Variants in OSBPL1A observed in about 807,000 individuals in gnomAD.
OSBPL1A encodes the protein oxysterol-binding protein-related protein 1.
A neutral mutation model predicts 137.1 loss-of-function variants in OSBPL1A; 80 were observed. That is an observed-to-expected ratio of 0.58 (90% CI 0.49 to 0.70). The LOEUF (loss-of-function observed/expected upper bound fraction) is 0.70, where lower values mean the gene tolerates loss of function less well. Ranked by LOEUF, OSBPL1A falls within the 30% of genes least tolerant of loss-of-function variation. The pLI, the probability that OSBPL1A is intolerant of heterozygous loss-of-function variation, is 0.00. For synonymous variants in OSBPL1A, 365 were observed against 389.7 expected, an observed-to-expected ratio of 0.94 and a Z score of 0.75; for missense variants, 970 against 1,129.4, an observed-to-expected ratio of 0.86 and a Z score of 2.02.
intron 14 of OSBPL1A, among the ~76,000 whole-genome samples, chr18:24,300,988 C>T (rs1325941938): frequency 6.6e-6 from 1 of 152,154 alleles, no homozygotes; most frequent in Non-Finnish European, 1.5e-5. Context: ...ACCACCACGC[C>T]TGGCTAATAT....
chr18:24,363,236 A>G (rs759214153), intron 4 of OSBPL1A, among the ~76,000 whole-genome samples: 10 of 152,178 alleles, frequency 6.6e-5, no homozygotes, highest in Non-Finnish European at 1.3e-4. Context: ...TGAGAAGTCC[A>G]GAATAGGTCT....
intron 18 of OSBPL1A, 181 bp downstream of exon 18, chr18:24,195,944 T>A: frequency 1.7e-6 from 1 of 578,998 alleles, no homozygotes; most frequent in South Asian, 1.9e-5. Context: ...ACTAAAGCCA[T>A]TAGAGCAGCT....
chr18:24,229,177 G>A (rs924605265), intron 16 of OSBPL1A, among the ~76,000 whole-genome samples: 1 of 152,198 alleles, frequency 6.6e-6, no homozygotes, highest in Non-Finnish European at 1.5e-5. Context: ...ACTCCAGCCT[G>A]GGAGAGACAG....
intron 22 of OSBPL1A, 93 bp downstream of exon 22, chr18:24,172,283 T>C (rs2086307610): frequency 1.0e-6 from 1 of 957,328 alleles, no homozygotes; most frequent in African/African-American, 1.7e-5. Flanking sequence ...TCTAGAGCTT[T>C]TCTTTAAAAA....
At chr18:24,369,488 A>T (rs1178161436) in intron 2 of OSBPL1A, among the ~76,000 whole-genome samples, 1 of 152,194 alleles carries the variant, frequency 6.6e-6, no homozygotes, top group Non-Finnish European at 1.5e-5. Flanking sequence ...ATGTTATTCC[A>T]GGGGCCACTG....
chr18:24,196,357 C>T (rs1387657832), intron 17 of OSBPL1A, among the ~76,000 whole-genome samples, 157 bp from the exon 18 acceptor site: 2 of 152,192 alleles, frequency 1.3e-5, no homozygotes, highest in African/African-American at 2.4e-5. Flanking sequence ...TCTAGGGTTG[C>T]ACCTGTTCAC....
rs370631508 is a variant in OSBPL1A at position 24,234,235 on chromosome 18, G to A, written c.1444+4985C>T. Among the ~76,000 whole-genome samples, 3 of 152,130 alleles carry A rather than the reference G, an allele frequency of 2.0e-5. No individual in the cohort carries two copies. The South Asian group carries it at 6.2e-4, about 32-fold the overall frequency. On this transcript the variant is annotated intron_variant, in intron 16 of 27. Transcript: ENST00000319481. The stretch of plus-strand genomic sequence containing the variant: ...CAGTGGTTTCTCATGATATCTTTTT[G>A]TTTCAATGCGCATGAATGTCTAGCC...
intron 15 of OSBPL1A, among the ~76,000 whole-genome samples, chr18:24,276,568 C>T (rs1395216348): frequency 6.6e-5 from 10 of 151,984 alleles, no homozygotes; most frequent in Non-Finnish European, 1.0e-4. Flanking sequence ...CTCAGCCTCT[C>T]GAGTAGCTGG....
chr18:24,255,828 C>T (rs2089257984), intron 15 of OSBPL1A, among the ~76,000 whole-genome samples: 1 of 150,850 alleles, frequency 6.6e-6, no homozygotes, highest in African/African-American at 2.4e-5. Flanking sequence ...GCGCTCTCTG[C>T]TCACTGCAGC....
At chr18:24,224,486 A>G (rs1463642417) in intron 17 of OSBPL1A, among the ~76,000 whole-genome samples, 1 of 152,214 alleles carries the variant, frequency 6.6e-6, no homozygotes, top group Non-Finnish European at 1.5e-5. Context: ...ATTACGTCTC[A>G]TTAATTCGGG....
At chr18:24,385,204 C>T (rs894509052) in intron 1 of OSBPL1A, among the ~76,000 whole-genome samples, 8 of 151,954 alleles carry the variant, frequency 5.3e-5, no homozygotes, top group South Asian at 2.1e-4. Context: ...TCCGCCCGCC[C>T]CGGCCTCCCA....
chr18:24,181,228 G>A lies in OSBPL1A; in HGVS notation c.1729C>T (p.Leu577=). 5 of 1,614,112 alleles carry A rather than the reference G, an allele frequency of 3.1e-6. No individual in the cohort carries two copies. The highest frequency in any genetic ancestry group is 4.2e-6 in the Non-Finnish European group (5 of 1,180,010). Residue 577 remains leucine, a synonymous_variant, in exon 19 of 28, where the codon CTA becomes TTA. Coordinates refer to ENST00000319481, the MANE Select transcript of OSBPL1A (RefSeq NM_080597.4). ...PVIFNEPLSF[L]QRLTEYMEHT... ...TCCATGTATTCAGTTAGGCGCTGTA[G>A]GAAGCTCAGAGGCTCATTAAATATA...
chr18:24,298,597 G>A (rs1467038243), intron 14 of OSBPL1A, among the ~76,000 whole-genome samples: 2 of 152,120 alleles, frequency 1.3e-5, no homozygotes, highest in African/African-American at 2.4e-5. Flanking sequence ...CACCCACCTC[G>A]GCCTCCCAAA....
chr18:24,228,958 G>T (rs996951598), intron 16 of OSBPL1A, among the ~76,000 whole-genome samples: 5 of 152,074 alleles, frequency 3.3e-5, no homozygotes, highest in Non-Finnish European at 5.9e-5. Flanking sequence ...CCCAGCACTT[G>T]GGGAGGCTGA....
intron 18 of OSBPL1A, chr18:24,195,865 T>C (rs932852944): frequency 1.5e-4 from 66 of 429,762 alleles, no homozygotes; most frequent in African/African-American, 1.2e-3. Context: ...GCAATATAAA[T>C]GTGCTGTGTC....
chr18:24,231,854 T>G (rs943769159), intron 16 of OSBPL1A, among the ~76,000 whole-genome samples: 2 of 152,210 alleles, frequency 1.3e-5, no homozygotes, highest in Non-Finnish European at 2.9e-5. Flanking sequence ...GTTCACAATA[T>G]AAACATGCCA....
chr18:24,272,277 C>G, intron 15 of OSBPL1A: 13 of 973,450 alleles, frequency 1.3e-5, no homozygotes, highest in Non-Finnish European at 1.6e-5. Context: ...TTTTAACCAA[C>G]CCGCCCCTTG....
At position 24,334,237 on chromosome 18, in the gene OSBPL1A, T is replaced by C; in HGVS notation, c.480+8A>G. The C allele has an allele frequency of 6.3e-7, 1 of 1,592,960 alleles. No individual in the cohort carries two copies. The highest frequency in any genetic ancestry group is 8.5e-7 in the Non-Finnish European group (1 of 1,174,632). On this transcript the variant is annotated splice_region_variant and intron_variant, in intron 6 of 27. Coordinates refer to ENST00000319481, the MANE Select transcript of OSBPL1A (RefSeq NM_080597.4). ...TTTTGTCTTTTGGGGGTTTTTTGTTTGTTTTACCAGAGCTGTGAGTTCTGT... is the reference window on the plus strand; with the variant it reads ...TTTTGTCTTTTGGGGGTTTTTTGTTCGTTTTACCAGAGCTGTGAGTTCTGT...
chr18:24,308,833 C>G (rs150605133), intron 13 of OSBPL1A, among the ~76,000 whole-genome samples: 219 of 152,126 alleles, frequency 1.4e-3, no homozygotes, highest in African/African-American at 4.8e-3. Context: ...CACAATCTCA[C>G]CTCACTGCAA....
Sources: allele counts gnomAD v4.1 joint callset (sites outside exome capture counted in the v4.1 genomes callset), GRCh38; gene constraint gnomAD v4.1.1; transcripts MANE v1.5; gene names NCBI Gene and HGNC (gene_info 2026-07-23, HGNC 2026-07-21).